Variants in USH2A observed in about 807,000 individuals in gnomAD.
USH2A encodes the protein usherin.
A neutral mutation model predicts 538.9 loss-of-function variants in USH2A; 443 were observed. That is an observed-to-expected ratio of 0.82 (90% CI 0.76 to 0.89). USH2A has a LOEUF of 0.89. Ranked by LOEUF, USH2A falls within the 40% of genes least tolerant of loss-of-function variation. USH2A has a pLI of 0.00. For synonymous variants in USH2A, 2,413 were observed against 2,273.5 expected, an observed-to-expected ratio of 1.06 and a Z score of -1.75; for missense variants, 6,633 against 6,324.8, an observed-to-expected ratio of 1.05 and a Z score of -1.65.
intron 56 of USH2A, 69 bp from the exon 57 acceptor site, chr1:215,759,912 T>TC (rs1396678302): frequency 1.7e-5 from 26 of 1,573,522 alleles, no homozygotes; most frequent in African/African-American, 9.5e-5. Context: ...AGTCACACCA[T>TC]CCCCCCCATG....
At chr1:216,386,652 G>A (rs532234147) in intron 3 of USH2A, among the ~76,000 whole-genome samples, 10 of 150,830 alleles carry the variant, frequency 6.6e-5, no homozygotes, top group African/African-American at 1.2e-4. Flanking sequence ...TCAGGAGATC[G>A]AGACCATCCT....
chr1:216,249,328 T>C (rs2036113577), intron 12 of USH2A, among the ~76,000 whole-genome samples: 1 of 152,118 alleles, frequency 6.6e-6, no homozygotes, highest in Non-Finnish European at 1.5e-5. Flanking sequence ...TTATACATTC[T>C]AAATTAATTT....
At chr1:216,176,114 T>A (rs927260847) in intron 20 of USH2A, among the ~76,000 whole-genome samples, 2 of 152,242 alleles carry the variant, frequency 1.3e-5, no homozygotes, top group Admixed American at 1.3e-4. Flanking sequence ...ACTTTGTGCT[T>A]GTGTAAAAAT....
At chr1:215,782,654 C>T in intron 53 of USH2A, 84 bp downstream of exon 53, 1 of 1,393,928 alleles carries the variant, frequency 7.2e-7, no homozygotes, top group Non-Finnish European at 1.0e-6. Flanking sequence ...ATGCATAGGG[C>T]AATTAAATGT....
intron 69 of USH2A, 63 bp from the exon 70 acceptor site, chr1:215,634,766 C>T (rs982393892): frequency 5.8e-5 from 93 of 1,613,098 alleles, no homozygotes; most frequent in Middle Eastern, 4.9e-4. Flanking sequence ...TCATCTCTGG[C>T]CCTGCTATTT....
chr1:216,179,599 C>A (rs2034454201), intron 20 of USH2A, among the ~76,000 whole-genome samples: 1 of 152,056 alleles, frequency 6.6e-6, no homozygotes, highest in Non-Finnish European at 1.5e-5. Context: ...GGGTGAACAT[C>A]CTACTGAGTT....
chr1:216,107,461 T>C (rs965334448), intron 21 of USH2A, among the ~76,000 whole-genome samples: 7 of 151,846 alleles, frequency 4.6e-5, no homozygotes, highest in African/African-American at 1.7e-4. Context: ...AAATGTTTCA[T>C]GGTTTATTTT....
chr1:215,968,066 C>T (rs2102456276), intron 36 of USH2A, among the ~76,000 whole-genome samples: 1 of 152,166 alleles, frequency 6.6e-6, no homozygotes. Context: ...AAGAATATTA[C>T]AAAATGTGAA....
At chr1:215,873,952 C>T (rs534710444) in intron 43 of USH2A, among the ~76,000 whole-genome samples, 1 of 151,980 alleles carries the variant, frequency 6.6e-6, no homozygotes, top group African/African-American at 2.4e-5. Flanking sequence ...AGTAAAATAA[C>T]CCTATTGTTT....
intron 35 of USH2A, among the ~76,000 whole-genome samples, chr1:215,984,786 T>C (rs552283602): frequency 1.8e-4 from 27 of 152,310 alleles, no homozygotes; most frequent in African/African-American, 6.0e-4. Context: ...TCCAAACATA[T>C]TTGTTTGTCT....
chr1:215,653,045 A>C (rs1476167287), intron 64 of USH2A, among the ~76,000 whole-genome samples: 1 of 152,234 alleles, frequency 6.6e-6, no homozygotes, highest in Non-Finnish European at 1.5e-5. Context: ...AATTCATAGC[A>C]AGTGCTCAGC....
intron 11 of USH2A, among the ~76,000 whole-genome samples, chr1:216,251,485 C>T (rs1474145957): frequency 4.0e-4 from 46 of 116,232 alleles, no homozygotes; most frequent in Admixed American, 2.4e-4. Context: ...GAGTCTCGCT[C>T]TGTCACCCAG....
chr1:216,321,020 A>T (rs2037597409), intron 9 of USH2A, among the ~76,000 whole-genome samples: 1 of 152,078 alleles, frequency 6.6e-6, no homozygotes, highest in African/African-American at 2.4e-5. Context: ...TCAACTTAAG[A>T]TATAGAATTC....
chr1:216,167,977 T>C (rs1436129777), intron 21 of USH2A, among the ~76,000 whole-genome samples: 1 of 152,180 alleles, frequency 6.6e-6, no homozygotes, highest in Non-Finnish European at 1.5e-5. Flanking sequence ...GATTCCTCTC[T>C]ATCTGAATAG....
At chr1:215,995,103 C>T (rs960176995) in intron 34 of USH2A, among the ~76,000 whole-genome samples, 1 of 152,178 alleles carries the variant, frequency 6.6e-6, no homozygotes, top group African/African-American at 2.4e-5. Context: ...AATATTTCCC[C>T]TGCTAACTCT....
In USH2A at chr1:215,744,887, T is replaced by C. The variant is rs1417571619; in HGVS notation, c.11390-1552A>G. On this transcript the variant is annotated intron_variant, in intron 58 of 71. Transcript: ENST00000307340. ...ATCATGGCTAAACTATCTGGTACATTTATTCTAGTAGGTTAAACTACTAAC... is the reference window on the plus strand; with the variant it reads ...ATCATGGCTAAACTATCTGGTACATCTATTCTAGTAGGTTAAACTACTAAC... Among the ~76,000 whole-genome samples the C allele has an allele frequency of 2.0e-5, 3 of 152,224 alleles. No individual in the cohort carries two copies. In the South Asian group the frequency reaches 6.2e-4, roughly 32 times the overall value.
At chr1:216,250,119 T>C (rs1312261248) in intron 12 of USH2A, among the ~76,000 whole-genome samples, 4 of 152,188 alleles carry the variant, frequency 2.6e-5, no homozygotes, top group African/African-American at 9.6e-5. Flanking sequence ...TCAAAGTGCA[T>C]TATGAACATA....
chr1:215,954,157 G>A (rs949921293), intron 37 of USH2A, among the ~76,000 whole-genome samples: 2 of 152,088 alleles, frequency 1.3e-5, no homozygotes, highest in Non-Finnish European at 2.9e-5. Flanking sequence ...TCAGTGTGGC[G>A]ATTCCTCAGG....
chr1:216,196,435 A>C (rs571849703), intron 19 of USH2A, 118 bp downstream of exon 19: 2 of 1,091,182 alleles, frequency 1.8e-6, no homozygotes, highest in South Asian at 2.7e-5. Flanking sequence ...TTAAGAAAAA[A>C]TGCCCTGTTT....
Sources: gnomAD v4.1 joint callset for allele counts (sites outside exome capture counted in the v4.1 genomes callset) on GRCh38, gnomAD v4.1.1 for gene constraint, MANE v1.5 for transcripts, NCBI Gene and HGNC (gene_info 2026-07-23, HGNC 2026-07-21) for gene names.